The following ARHGEF3 variants were observed in gnomAD, a reference collection of about 807,000 sequenced individuals.
The protein encoded by ARHGEF3 is Rho guanine nucleotide exchange factor 3.
Under a neutral mutation model 63.2 loss-of-function variants are expected in ARHGEF3, and 28 were observed. The ratio of observed to expected loss-of-function variants is 0.44; its 90% CI spans 0.33 to 0.61. The LOEUF (loss-of-function observed/expected upper bound fraction) is 0.61. Among genes scored for constraint, ARHGEF3 ranks in the 20% least tolerant of loss-of-function variants. The pLI is 0.03. For synonymous variants in ARHGEF3, 266 were observed against 254.2 expected, an observed-to-expected ratio of 1.05 and a Z score of -0.44; for missense variants, 533 against 659.3, an observed-to-expected ratio of 0.81 and a Z score of 2.10.
At chr3:56,847,147 C>T (rs1412319852) in intron 4 of ARHGEF3, among the ~76,000 whole-genome samples, 1 of 152,138 alleles carries the variant, frequency 6.6e-6, no homozygotes, top group Non-Finnish European at 1.5e-5. Flanking sequence ...CTCTACCTCC[C>T]AAGCTCCCTA....
chr3:56,835,951 C>G (rs2039093717), intron 4 of ARHGEF3, among the ~76,000 whole-genome samples: 1 of 152,186 alleles, frequency 6.6e-6, no homozygotes, highest in African/African-American at 2.4e-5. Flanking sequence ...TCTTTGTTTC[C>G]TCAGTTTCCC....
At chr3:56,948,780 G>A (rs1430126474) in intron 3 of ARHGEF3, among the ~76,000 whole-genome samples, 2 of 152,056 alleles carry the variant, frequency 1.3e-5, no homozygotes, top group Non-Finnish European at 2.9e-5. Context: ...CTCATTTTAT[G>A]AGGCCAGCAT....
upstream of ARHGEF3, chr3:56,802,067 G>C: frequency 1.6e-6 from 2 of 1,263,730 alleles, no homozygotes; most frequent in Middle Eastern, 3.0e-4. Context: ...GCCGCAGCGC[G>C]GACACCTCCT....
chr3:56,784,947 GTGTATAATA>G (rs1186671900), intron 1 of ARHGEF3, among the ~76,000 whole-genome samples: 1 of 152,134 alleles, frequency 6.6e-6, no homozygotes, highest in African/African-American at 2.4e-5. Context: ...AGGAGACTAG[GTGTATAATA>G]TGCTTGGCAG....
At chr3:57,024,206 G>A (rs1056654410) in intron 2 of ARHGEF3, among the ~76,000 whole-genome samples, 9 of 151,312 alleles carry the variant, frequency 5.9e-5, no homozygotes, top group African/African-American at 2.2e-4. Context: ...CTTCTTTCCT[G>A]CCTAATGTTA....
At chr3:57,014,313 T>C (rs374157446) in intron 2 of ARHGEF3, among the ~76,000 whole-genome samples, 4 of 152,112 alleles carry the variant, frequency 2.6e-5, no homozygotes, top group East Asian at 1.9e-4. Flanking sequence ...GTCAGTGAGA[T>C]CAAGAACACA....
In ARHGEF3 at chr3:56,732,224, A is replaced by G; in HGVS notation, c.1228+14T>C. On this transcript the variant is annotated intron_variant, in intron 9 of 9. Transcript: ENST00000296315. ...AAAAACATTCAACAGGTCAACCCCG[A>G]CTGCTATCCATACTTCTCTCATTGT... is the stretch of plus-strand genomic sequence containing the variant. 1 of 1,613,472 alleles carries G rather than the reference A, an allele frequency of 6.2e-7. No homozygotes were observed. Among genetic ancestry groups the G allele is most frequent in the East Asian group, 2.2e-5 (1 of 44,882 alleles).
chr3:56,761,407 C>T (rs1300252199), intron 2 of ARHGEF3, among the ~76,000 whole-genome samples: 1 of 151,540 alleles, frequency 6.6e-6, no homozygotes, highest in Non-Finnish European at 1.5e-5. Flanking sequence ...ATCAGCATCC[C>T]TGCCACTGTC....
chr3:57,052,787 G>A (rs188982781), intron 1 of ARHGEF3, among the ~76,000 whole-genome samples: 60 of 152,218 alleles, frequency 3.9e-4, no homozygotes, highest in African/African-American at 1.3e-3. Context: ...ATCGAAGTGC[G>A]TCCTTCTCCT....
At chr3:57,043,460 A>G (rs781071022) in intron 1 of ARHGEF3, among the ~76,000 whole-genome samples, 1 of 149,186 alleles carries the variant, frequency 6.7e-6, no homozygotes. Context: ...ATGTTTATAT[A>G]TGTTAGTATT....
At chr3:57,070,728 G>A (rs1705838677) in intron 1 of ARHGEF3, among the ~76,000 whole-genome samples, 1 of 152,142 alleles carries the variant, frequency 6.6e-6, no homozygotes, top group African/African-American at 2.4e-5. Flanking sequence ...GCAGGCCAAG[G>A]TGGGAGGACT....
At chr3:56,735,392 C>G (rs369669727) in intron 8 of ARHGEF3, among the ~76,000 whole-genome samples, 113 of 152,006 alleles carry the variant, frequency 7.4e-4, no homozygotes, top group African/African-American at 2.4e-3. Flanking sequence ...TGCTTTTTTT[C>G]TGACCCAAGA....
At chr3:56,965,070 T>C (rs545568146) in intron 2 of ARHGEF3, among the ~76,000 whole-genome samples, 2 of 152,194 alleles carry the variant, frequency 1.3e-5, no homozygotes, top group African/African-American at 4.8e-5. Flanking sequence ...TTGGGCAACA[T>C]AGCAAAACCA....
intron 4 of ARHGEF3, among the ~76,000 whole-genome samples, chr3:56,862,799 A>C (rs2040123137): frequency 6.6e-6 from 1 of 152,188 alleles, no homozygotes; most frequent in Non-Finnish European, 1.5e-5. Context: ...TATAGGACGC[A>C]AGAGTCAAAT....
chr3:56,877,954 T>C (rs1458616182), intron 4 of ARHGEF3, among the ~76,000 whole-genome samples: 20 of 152,218 alleles, frequency 1.3e-4, no homozygotes, highest in Admixed American at 1.2e-3. Flanking sequence ...TTGTATATAA[T>C]GACAGGAAGG....
chr3:56,933,581 G>A (rs191208089), intron 3 of ARHGEF3, among the ~76,000 whole-genome samples: 4 of 151,920 alleles, frequency 2.6e-5, no homozygotes, highest in Non-Finnish European at 5.9e-5. Flanking sequence ...CATCACACCT[G>A]CCTAATTTTT....
chr3:56,750,966 A>T (rs2034705526), intron 6 of ARHGEF3, 90 bp downstream of exon 6: 1 of 932,760 alleles, frequency 1.1e-6, no homozygotes. Context: ...TAAAAAAATA[A>T]AAATAAAAAT....
chr3:56,974,917 G>C (rs1395748624), intron 2 of ARHGEF3, among the ~76,000 whole-genome samples: 1 of 152,122 alleles, frequency 6.6e-6, no homozygotes, highest in Non-Finnish European at 1.5e-5. Context: ...AGGACTCCTT[G>C]TTTGTGCTCT....
rs1702250705 is a variant in ARHGEF3, at chr3:57,002,479, T to TTCTAAGCACTATA, written c.62+32608_62+32609insTATAGTGCTTAGA. On this transcript the variant is annotated intron_variant, in intron 2 of 12. Coordinates refer to the ARHGEF3 transcript ENST00000338458. ...TCTAAGCACTATATATATATATATG[T>TTCTAAGCACTATA]TATATATATATATATATGTTATATA... Among the ~76,000 whole-genome samples, 18 of 39,466 alleles carry TTCTAAGCACTATA rather than the reference T, an allele frequency of 4.6e-4. 3 individuals carry two copies. The South Asian group carries it at 6.4e-3, about 14-fold the overall frequency. 25.9% of individuals were successfully genotyped at this position (39,466 alleles called of 152,430 possible).
Sources: allele counts gnomAD v4.1 joint callset (sites outside exome capture counted in the v4.1 genomes callset), GRCh38; gene constraint gnomAD v4.1.1; transcripts MANE v1.5; gene names NCBI Gene and HGNC (gene_info 2026-07-23, HGNC 2026-07-21).